STK25: variants seen among roughly 807,000 people sequenced by gnomAD.
STK25 encodes the protein serine/threonine kinase 25.
A neutral mutation model predicts 53.8 loss-of-function variants in STK25; 29 were observed. That is an observed-to-expected ratio of 0.54 (90% CI 0.40 to 0.74). The LOEUF (loss-of-function observed/expected upper bound fraction) is 0.74. Among genes scored for constraint, STK25 ranks in the 30% least tolerant of loss-of-function variants. The probability of loss-of-function intolerance (pLI) is 0.00; values close to 1 mark genes in which losing one functional copy is unlikely to be tolerated. For missense variants in STK25, 420 were observed against 568.0 expected, an observed-to-expected ratio of 0.74 and a Z score of 2.65; for synonymous variants, 247 against 238.3, an observed-to-expected ratio of 1.04 and a Z score of -0.33.
rs140134312 is a variant in STK25, at chr2:241,507,331, C to T, written c.30+675G>A. On this transcript the variant is annotated intron_variant, in intron 2 of 11. Coordinates refer to ENST00000316586, the MANE Select transcript of STK25 (RefSeq NM_001271977.2). ...CCAGGCTAAGGGCTCGCCGTAGTGG[C>T]TCCCTCCGAGGCTGTCCCACCAGAC... Among the ~76,000 whole-genome samples the T allele has an allele frequency of 1.9e-3, 283 of 152,320 alleles. 8 individuals are homozygous for T. Among genetic ancestry groups the T allele is most frequent in the African/African-American group, 6.5e-3 (271 of 41,560 alleles).
At position 241,499,033 on chromosome 2, in the gene STK25, AG is replaced by A. The variant is rs1459319190; in HGVS notation, c.726del (p.Phe243SerfsTer23). 6.8e-6 allele frequency: 11 copies of A among 1,614,054 alleles called. No homozygotes were observed. Among genetic ancestry groups the A allele is most frequent in the Non-Finnish European group, 9.3e-6 (11 of 1,179,998 alleles). On this transcript the variant is annotated frameshift_variant, in exon 7 of 12. Coordinates refer to ENST00000316586, the MANE Select transcript of STK25 (RefSeq NM_001271977.2). LOFTEE classifies it high-confidence loss of function. Reference protein sequence around the residue: ...PPTLEGQHSKPFKEFVEACLN... With the variant: ...PPTLEGQHSKXFKEFVEACLN... ...AGGCAGGCCTCCACGAACTCCTTGA[AG>A]GGCTTGCTGTGCTGGCCCTCCAGTG... is the stretch of plus-strand genomic sequence containing the variant.
At chr2:241,500,872 G>C (rs1289863270) in intron 3 of STK25, 76 bp from the exon 4 acceptor site, 1 of 1,487,558 alleles carries the variant, frequency 6.7e-7, no homozygotes, top group East Asian at 2.3e-5. Flanking sequence ...TCACAGGCCG[G>C]AGTCAGCCAG....
In STK25 at chr2:241,493,098, T is replaced by A. The variant is rs1310947134; in HGVS notation, c.*2564A>T. The A allele has an allele frequency of 8.8e-7, 1 of 1,137,058 alleles. No individual in the cohort carries two copies. Among genetic ancestry groups the A allele is most frequent in the African/African-American group, 1.5e-5 (1 of 65,716 alleles). 70.4% of individuals were successfully genotyped at this position (1,137,058 alleles called of 1,614,324 possible). The stretch of plus-strand genomic sequence containing the variant: ...CTAGCAGACAGACACTTAACCCTGC[T>A]CACCTGTGTCCCTTTTGTATTTTGG... On this transcript the variant is annotated 3_prime_UTR_variant, in exon 12 of 12. Coordinates refer to ENST00000316586, the MANE Select transcript of STK25 (RefSeq NM_001271977.2).
chr2:241,499,468 C>T lies in STK25; in HGVS notation c.428-54G>A, dbSNP rs1188318201. The T allele has an allele frequency of 2.0e-5, 31 of 1,581,492 alleles. 1 individual carries two copies. The highest frequency in any genetic ancestry group is 7.0e-5 in the South Asian group (6 of 85,442). The stretch of plus-strand genomic sequence containing the variant: ...TCCCAGGCTCCACGTGGCTCCACCC[C>T]GGGCCCCCTGAGAAGGGCCAGGGTA... On this transcript the variant is annotated intron_variant, in intron 5 of 11. Transcript: ENST00000316586.
chr2:241,498,567 C>G, intron 8 of STK25, 72 bp downstream of exon 8: 1 of 1,545,264 alleles, frequency 6.5e-7, no homozygotes, highest in Non-Finnish European at 8.8e-7. Flanking sequence ...GGGCCCACGC[C>G]CCTGCTTCTG....
chr2:241,498,932 C>G (rs777251348), intron 7 of STK25, 57 bp downstream of exon 7: 1 of 1,611,562 alleles, frequency 6.2e-7, no homozygotes, highest in Non-Finnish European at 8.5e-7. Flanking sequence ...CCACCCCAAG[C>G]GAACGCCCTC....
intron 2 of STK25, among the ~76,000 whole-genome samples, 174 bp downstream of exon 2, chr2:241,507,832 G>A (rs755595996): frequency 2.6e-5 from 4 of 152,242 alleles, no homozygotes; most frequent in Admixed American, 6.5e-5. Context: ...GCACACGGCA[G>A]AGCCCCGGGG....
rs1342151119 is a variant in STK25 at position 241,496,857 on chromosome 2, A to G, written c.1105-323T>C. 6.6e-6 allele frequency among the ~76,000 whole-genome samples: 1 copy of G among 152,288 alleles called. No homozygotes were observed. The highest frequency in any genetic ancestry group is 1.9e-4 in the East Asian group (1 of 5,176). On this transcript the variant is annotated intron_variant, in intron 10 of 11. Transcript: ENST00000316586. The surrounding 1 kb of genome is among the most constrained non-coding windows in gnomAD (Gnocchi z 5.8). ...TGGAAGCCACTCAATGGGTCTAATC[A>G]GACCCAAAAACACGAAGCCCAGAAA...
chr2:241,500,685 G>A, intron 4 of STK25, 55 bp downstream of exon 4: 11 of 1,566,720 alleles, frequency 7.0e-6, no homozygotes, highest in Non-Finnish European at 8.7e-6. Flanking sequence ...ATGAGTCTGA[G>A]GGGCAGGGGA....
chr2:241,502,195 C>CA (rs2065554507), intron 2 of STK25, among the ~76,000 whole-genome samples: 1 of 151,696 alleles, frequency 6.6e-6, no homozygotes, highest in African/African-American at 2.4e-5. Flanking sequence ...ATAACAACAA[C>CA]AAAAAAACCT....
Position 241,495,653 on chromosome 2 carries a change from C to T in STK25, c.*9G>A, listed in dbSNP as rs2124938292. On this transcript the variant is annotated 3_prime_UTR_variant, in exon 12 of 12. Transcript: ENST00000316586. ...GACCTTCCGTCCCCTATCTGAACAG[C>T]AGTGCGCTTCAGCGGGTGGATGTCA... is the stretch of plus-strand genomic sequence containing the variant. The T allele has an allele frequency of 6.2e-7, 1 of 1,614,186 alleles. No individual in the cohort carries two copies. The highest frequency in any genetic ancestry group is 8.5e-7 in the Non-Finnish European group (1 of 1,180,002).
At chr2:241,506,859 C>T (rs1178424703) in intron 2 of STK25, among the ~76,000 whole-genome samples, 5 of 152,228 alleles carry the variant, frequency 3.3e-5, no homozygotes, top group African/African-American at 7.2e-5. Context: ...ATGCCAAAAG[C>T]AAACCAAAAA....
At chr2:241,498,950 G>A (rs929210796) in intron 7 of STK25, 39 bp downstream of exon 7, 41 of 1,612,634 alleles carry the variant, frequency 2.5e-5, no homozygotes, top group Non-Finnish European at 2.9e-5. Context: ...CTCCCTCCAC[G>A]TCCTGTCTAG....
Position 241,496,602 on chromosome 2 carries a change from T to A in STK25, c.1105-68A>T. The A allele has an allele frequency of 1.3e-6, 2 of 1,554,056 alleles. No individual in the cohort carries two copies. Among genetic ancestry groups the A allele is most frequent in the South Asian group, 2.3e-5 (2 of 86,286 alleles). On this transcript the variant is annotated intron_variant, in intron 10 of 11. Coordinates refer to ENST00000316586, the MANE Select transcript of STK25 (RefSeq NM_001271977.2). This position sits in a 1 kb window ranked among gnomAD's most constrained non-coding sequence, Gnocchi z 5.8. ...GCCTTCAGGGAGCCTGCTCCTTTGC[T>A]CGGCCACAGTGATGCCGGAGGCCTT...
In STK25 at chr2:241,499,408, T is replaced by C; in HGVS notation, c.434A>G (p.Asn145Ser). 1.2e-6 allele frequency: 2 copies of C among 1,613,618 alleles called. No homozygotes were observed. The highest frequency in any genetic ancestry group is 1.7e-6 in the Non-Finnish European group (2 of 1,179,872). The change falls in exon 6 of 12, where the codon AAC becomes AGC. Residue 145 changes from asparagine (N) to serine (S), a missense_variant. Coordinates refer to ENST00000316586, the MANE Select transcript of STK25 (RefSeq NM_001271977.2). Reference protein sequence around the residue: ...RKIHRDIKAANVLLSEQGDVK... With the variant: ...RKIHRDIKAASVLLSEQGDVK... ...GTCACCCTGCTCCGAGAGTAGCACG[T>C]TGGCAGCTGCTTGACACAGGACAGG...
rs780143830 is a variant in STK25 at position 241,492,686 on chromosome 2, G to C, written c.*2976C>G. Reference sequence around the variant, plus strand: ...TGTGGATGGTTGGTTACTGAACACTGACTTTATTGTGCACAGGGAAAGGGA... The same window carrying C: ...TGTGGATGGTTGGTTACTGAACACTCACTTTATTGTGCACAGGGAAAGGGA... On this transcript the variant is annotated 3_prime_UTR_variant, in exon 12 of 12. Coordinates refer to ENST00000316586, the MANE Select transcript of STK25 (RefSeq NM_001271977.2). 1 of 464,492 alleles carries C rather than the reference G, an allele frequency of 2.2e-6. No homozygotes were observed. Among genetic ancestry groups the C allele is most frequent in the East Asian group, 3.5e-5 (1 of 28,288 alleles). The allele number at this position is 464,492 out of a possible 1,614,324, so 28.8% of individuals were successfully genotyped here. A position where few individuals can be genotyped will look rare whatever the true frequency, so the allele number is the denominator to read the frequency against.
At chr2:241,497,548 C>A in intron 10 of STK25, 68 bp downstream of exon 10, 1 of 1,506,258 alleles carries the variant, frequency 6.6e-7, no homozygotes, top group Non-Finnish European at 9.2e-7. Flanking sequence ...AGGGAGACAT[C>A]TCCGTGCAAC....
At position 241,508,045 on chromosome 2, in the gene STK25, G is replaced by C; in HGVS notation, c.-10C>G. 1 of 1,602,738 alleles carries C rather than the reference G, an allele frequency of 6.2e-7. No homozygotes were observed. The highest frequency in any genetic ancestry group is 1.1e-5 in the South Asian group (1 of 88,786). ...CCCGGAGGTGAGCCATGGCCGCGCCGCCTCAGACCCTCCGCCAGCAGCCCC... is the reference window on the plus strand; with the variant it reads ...CCCGGAGGTGAGCCATGGCCGCGCCCCCTCAGACCCTCCGCCAGCAGCCCC... On this transcript the variant is annotated 5_prime_UTR_variant, in exon 2 of 12. Coordinates refer to ENST00000316586, the MANE Select transcript of STK25 (RefSeq NM_001271977.2).
intron 2 of STK25, among the ~76,000 whole-genome samples, chr2:241,502,190 A>G (rs575515626): frequency 6.6e-6 from 1 of 151,962 alleles, no homozygotes; most frequent in Admixed American, 6.6e-5. Flanking sequence ...AACAAATAAC[A>G]ACAACAAAAA....
Sources: allele counts gnomAD v4.1 joint callset (sites outside exome capture counted in the v4.1 genomes callset), GRCh38; gene constraint gnomAD v4.1.1; non-coding constraint Gnocchi (gnomAD v3.1); transcripts MANE v1.5; gene names NCBI Gene and HGNC (gene_info 2026-07-23, HGNC 2026-07-21).